The following KAZN variants were observed in gnomAD, a reference collection of about 807,000 sequenced individuals.
KAZN encodes kazrin, periplakin interacting protein.
In KAZN, 40 loss-of-function variants were observed where a neutral mutation model predicts 87.4. The observed-to-expected ratio is 0.46, with a 90% CI of 0.36 to 0.60. KAZN has a LOEUF of 0.60. KAZN is among the 20% of genes least tolerant of loss of function. The probability of loss-of-function intolerance (pLI) is 0.00; values close to 1 mark genes in which losing one functional copy is unlikely to be tolerated. For missense variants in KAZN, 898 were observed against 1,073.9 expected, an observed-to-expected ratio of 0.84 and a Z score of 2.29; for synonymous variants, 466 against 458.3, an observed-to-expected ratio of 1.02 and a Z score of -0.22.
intron 1 of KAZN, among the ~76,000 whole-genome samples, chr1:14,002,231 C>T (rs1161157690): frequency 6.6e-6 from 1 of 152,134 alleles, no homozygotes; most frequent in Non-Finnish European, 1.5e-5. Flanking sequence ...ATTTATGTGG[C>T]CAACAAACAT....
chr1:14,409,902 A>G (rs1408430256), intron 2 of KAZN, among the ~76,000 whole-genome samples: 1 of 152,210 alleles, frequency 6.6e-6, no homozygotes, highest in Non-Finnish European at 1.5e-5. Context: ...AGTAGGGCAG[A>G]TTTTTTAAAT....
intron 2 of KAZN, among the ~76,000 whole-genome samples, chr1:14,498,658 C>T (rs1670080098): frequency 6.6e-6 from 1 of 151,934 alleles, no homozygotes; most frequent in Admixed American, 6.6e-5. Context: ...GGCCACTGCA[C>T]TCCAGCCTGG....
chr1:14,523,788 G>A lies in KAZN; in HGVS notation c.250-75195G>A, dbSNP rs148675543. On this transcript the variant is annotated intron_variant, in intron 2 of 16. Coordinates refer to the KAZN transcript ENST00000636203. The stretch of plus-strand genomic sequence containing the variant: ...GGCCATGAGCCTCCCATGTGGTCCT[G>A]GGGCTGCACAGAATGTGCTGGTGGC... Among the ~76,000 whole-genome samples the A allele has an allele frequency of 3.2e-4, 48 of 152,322 alleles. No individual in the cohort carries two copies. The East Asian group carries it at 6.8e-3, about 21-fold the overall frequency.
chr1:13,980,389 C>T (rs1638603385), intron 1 of KAZN, among the ~76,000 whole-genome samples: 1 of 152,020 alleles, frequency 6.6e-6, no homozygotes, highest in Non-Finnish European at 1.5e-5. Context: ...ACAAGAAATA[C>T]ACCTTAAATA....
intron 1 of KAZN, among the ~76,000 whole-genome samples, chr1:14,602,615 T>G (rs74057885): frequency 0.012 from 1,772 of 152,358 alleles, 35 homozygotes; most frequent in African/African-American, 0.036. Context: ...TTAAAATGCT[T>G]GCTGTTCTTT....
At chr1:14,682,158 A>G (rs560808715) in intron 1 of KAZN, among the ~76,000 whole-genome samples, 5 of 151,992 alleles carry the variant, frequency 3.3e-5, no homozygotes, top group Non-Finnish European at 7.4e-5. Flanking sequence ...GGCATCCACC[A>G]TTCTACTCCC....
chr1:14,822,232 G>A (rs533886526), intron 1 of KAZN, among the ~76,000 whole-genome samples: 11 of 152,310 alleles, frequency 7.2e-5, no homozygotes, highest in East Asian at 3.9e-4. Context: ...GTGCCAGGCC[G>A]AGAATTCCAG....
chr1:14,885,915 A>ATG (rs1410810487), intron 1 of KAZN, among the ~76,000 whole-genome samples: 1 of 152,098 alleles, frequency 6.6e-6, no homozygotes. Flanking sequence ...CAGATCCATG[A>ATG]TGTACATAGC....
At chr1:15,070,225 C>T (rs562916274) in intron 8 of KAZN, among the ~76,000 whole-genome samples, 4 of 152,332 alleles carry the variant, frequency 2.6e-5, no homozygotes, top group East Asian at 3.9e-4. Flanking sequence ...TTCAAGGCCC[C>T]TTGCCCACCA....
intron 1 of KAZN, among the ~76,000 whole-genome samples, chr1:13,973,735 G>T (rs1034519882): frequency 6.6e-6 from 1 of 152,160 alleles, no homozygotes; most frequent in African/African-American, 2.4e-5. Flanking sequence ...CTGAGACTTT[G>T]TTAACATCCC....
At chr1:15,082,715 C>T (rs545879831) in intron 8 of KAZN, among the ~76,000 whole-genome samples, 1 of 152,166 alleles carries the variant, frequency 6.6e-6, no homozygotes, top group Non-Finnish European at 1.5e-5. Context: ...TTGTTTGAGA[C>T]GGAGTCTCGC....
chr1:14,444,009 G>T (rs1666839200), intron 2 of KAZN, among the ~76,000 whole-genome samples: 1 of 152,030 alleles, frequency 6.6e-6, no homozygotes, highest in Non-Finnish European at 1.5e-5. Context: ...ATAAAACAAG[G>T]AATCTGGCCA....
intron 1 of KAZN, among the ~76,000 whole-genome samples, chr1:14,621,103 A>T (rs1025001701): frequency 6.6e-6 from 1 of 152,174 alleles, no homozygotes; most frequent in Non-Finnish European, 1.5e-5. Flanking sequence ...CCAAGTGAAA[A>T]GACAGTTGCT....
chr1:14,806,884 C>T (rs942227503), intron 1 of KAZN, among the ~76,000 whole-genome samples: 1 of 152,212 alleles, frequency 6.6e-6, no homozygotes, highest in African/African-American at 2.4e-5. Context: ...TATATAAACT[C>T]ATCAACAATC....
At chr1:14,844,383 G>A (rs1455184774) in intron 1 of KAZN, among the ~76,000 whole-genome samples, 2 of 152,202 alleles carry the variant, frequency 1.3e-5, no homozygotes, top group Non-Finnish European at 2.9e-5. Flanking sequence ...TAAGAGCTTG[G>A]AATTGAGCAG....
chr1:14,321,910 C>T (rs1328064967), intron 2 of KAZN, among the ~76,000 whole-genome samples: 2 of 152,148 alleles, frequency 1.3e-5, no homozygotes, highest in Admixed American at 6.5e-5. Context: ...ATGGACTTCC[C>T]TAGGGAAATG....
chr1:14,904,130 C>G (rs1656227695), intron 1 of KAZN, among the ~76,000 whole-genome samples: 1 of 152,142 alleles, frequency 6.6e-6, no homozygotes. Context: ...AACCTCAGCT[C>G]AGCCACTTCC....
At chr1:15,008,404 A>G (rs575059515) in intron 2 of KAZN, among the ~76,000 whole-genome samples, 4 of 152,304 alleles carry the variant, frequency 2.6e-5, no homozygotes, top group South Asian at 2.1e-4. Context: ...AAGGCAAGTC[A>G]TTTAACCCCT....
chr1:14,607,044 T>C (rs911499930), intron 1 of KAZN, among the ~76,000 whole-genome samples: 2 of 152,188 alleles, frequency 1.3e-5, no homozygotes, highest in African/African-American at 4.8e-5. Flanking sequence ...AGCAGTGCTT[T>C]GTACATAATG....
Sources: gnomAD v4.1 joint callset for allele counts (sites outside exome capture counted in the v4.1 genomes callset) on GRCh38, gnomAD v4.1.1 for gene constraint, MANE v1.5 for transcripts, NCBI Gene and HGNC (gene_info 2026-07-23, HGNC 2026-07-21) for gene names.